ENY2: variants seen among roughly 807,000 people sequenced by gnomAD.
The protein encoded by ENY2 is transcription and mRNA export factor ENY2.
In ENY2, 4 loss-of-function variants were observed where a neutral mutation model predicts 15.9. The observed-to-expected ratio is 0.25, with a 90% confidence interval of 0.12 to 0.57. The LOEUF (loss-of-function observed/expected upper bound fraction) is 0.57. Ranked by LOEUF, ENY2 falls within the 20% of genes least tolerant of loss-of-function variation. The pLI, the probability that ENY2 is intolerant of heterozygous loss-of-function variation, is 0.91. For synonymous variants in ENY2, 48 were observed against 38.0 expected (o/e 1.26, Z -0.97); for missense variants, 54 against 117.2 (o/e 0.46, Z 2.49).
In ENY2 at chr8:109,343,526, A is replaced by T. The variant is rs764054109; in HGVS notation, c.*45A>T. 2 of 1,538,716 alleles carry T rather than the reference A, an allele frequency of 1.3e-6. No homozygotes were observed. Among genetic ancestry groups the T allele is most frequent in the Admixed American group, 3.9e-5 (2 of 50,890 alleles). Reference sequence around the variant, plus strand: ...GTTGTGGTTTTATTTCTGAAAGTAAAACTTGCCATAAATTAGAAAACAATT... The same window carrying T: ...GTTGTGGTTTTATTTCTGAAAGTAATACTTGCCATAAATTAGAAAACAATT... On this transcript the variant is annotated 3_prime_UTR_variant, in exon 5 of 5. Coordinates refer to ENST00000521688, the MANE Select transcript of ENY2 (RefSeq NM_020189.6).
intron 4 of ENY2, 112 bp from the exon 5 acceptor site, chr8:109,343,293 G>A (rs1349351060): frequency 2.7e-6 from 2 of 732,002 alleles, no homozygotes; most frequent in African/African-American, 1.8e-5. Context: ...TTGAACATGA[G>A]GGTTATTTAT....
intron 3 of ENY2, among the ~76,000 whole-genome samples, chr8:109,340,131 G>C (rs886674929): frequency 6.6e-6 from 1 of 152,186 alleles, no homozygotes. Flanking sequence ...TTAGATCATC[G>C]TGAATATTAA....
rs1245114275 is a variant in ENY2, at chr8:109,343,573, TG to T, written c.*93del. The T allele has an allele frequency of 6.9e-6, 8 of 1,161,616 alleles. No homozygotes were observed. The highest frequency in any genetic ancestry group is 8.7e-6 in the Non-Finnish European group (7 of 801,962). 72.0% of individuals were successfully genotyped at this position (1,161,616 alleles called of 1,614,324 possible). On this transcript the variant is annotated 3_prime_UTR_variant, in exon 5 of 5. Coordinates refer to ENST00000521688, the MANE Select transcript of ENY2 (RefSeq NM_020189.6). Reference sequence around the variant, plus strand: ...AATTTCCCAAAATAAAATCCTTTTTTGTATGATGGTATACAGTTTTCAGTAA... The same window carrying T: ...AATTTCCCAAAATAAAATCCTTTTTTTATGATGGTATACAGTTTTCAGTAA...
At chr8:109,340,681 T>C in intron 4 of ENY2, 118 bp downstream of exon 4, 2 of 1,331,772 alleles carry the variant, frequency 1.5e-6, no homozygotes, top group Non-Finnish European at 2.0e-6. Context: ...TGTTGCCTCT[T>C]GTAAAGAGTT....
chr8:109,340,728 T>G, intron 4 of ENY2, 165 bp downstream of exon 4: 1 of 725,720 alleles, frequency 1.4e-6, no homozygotes, highest in African/African-American at 1.8e-5. Context: ...AGTCTGGGAG[T>G]AACAAATGAG....
chr8:109,341,555 CATT>C (rs1816113327), intron 4 of ENY2, among the ~76,000 whole-genome samples: 1 of 151,998 alleles, frequency 6.6e-6, no homozygotes, highest in Non-Finnish European at 1.5e-5. Context: ...ATTCTGTTAA[CATT>C]ATTTAGGAAC....
At chr8:109,340,682 G>A in intron 4 of ENY2, 119 bp downstream of exon 4, 1 of 1,329,054 alleles carries the variant, frequency 7.5e-7, no homozygotes, top group Non-Finnish European at 1.0e-6. Context: ...GTTGCCTCTT[G>A]TAAAGAGTTA....
Position 109,334,406 on chromosome 8 carries a change from G to C in ENY2, c.-63G>C. 2 of 1,612,614 alleles carry C rather than the reference G, an allele frequency of 1.2e-6. No individual in the cohort carries two copies. The highest frequency in any genetic ancestry group is 1.7e-6 in the Non-Finnish European group (2 of 1,179,252). On this transcript the variant is annotated 5_prime_UTR_variant, in exon 1 of 5. Coordinates refer to ENST00000521688, the MANE Select transcript of ENY2 (RefSeq NM_020189.6). ...GTCCGGGCAGCCGAAGAGTGTGGTAGGTAACGGTCCTCAGCGCAAGGGTCA... is the reference window on the plus strand; with the variant it reads ...GTCCGGGCAGCCGAAGAGTGTGGTACGTAACGGTCCTCAGCGCAAGGGTCA...
intron 4 of ENY2, among the ~76,000 whole-genome samples, chr8:109,342,158 C>CT (rs200073823): frequency 3.2e-5 from 4 of 123,530 alleles, no homozygotes; most frequent in South Asian, 2.3e-4. Context: ...TTTAGTTAAC[C>CT]CCCCCCTTTT....
rs921668818 is a variant in ENY2, at chr8:109,342,163, C to A, written c.230-1242C>A. Among the ~76,000 whole-genome samples, 5 of 149,028 alleles carry A rather than the reference C, an allele frequency of 3.4e-5. No homozygotes were observed. In the East Asian group the frequency reaches 7.8e-4, roughly 23 times the overall value. On this transcript the variant is annotated intron_variant, in intron 4 of 4. Transcript: ENST00000521688. ...CGTTAGAAGTTTTAGTTAACCCCCC[C>A]CTTTTTTTTTTTTTGCATTTATGGT... is the stretch of plus-strand genomic sequence containing the variant.
At chr8:109,341,190 A>G (rs1170585253) in intron 4 of ENY2, among the ~76,000 whole-genome samples, 1 of 152,168 alleles carries the variant, frequency 6.6e-6, no homozygotes, top group Non-Finnish European at 1.5e-5. Flanking sequence ...ATATAACTAC[A>G]TTATTTTCAT....
At chr8:109,334,916 C>A in intron 1 of ENY2, 9 of 156,628 alleles carry the variant, frequency 5.7e-5, no homozygotes, top group East Asian at 1.9e-4. Flanking sequence ...AGTTCTCACT[C>A]AACTTCTCCT....
chr8:109,339,867 C>T, intron 3 of ENY2: 1 of 154,382 alleles, frequency 6.5e-6, no homozygotes, highest in African/African-American at 2.4e-5. Context: ...AGGGGAGCCT[C>T]CTTTCTGTCT....
At position 109,336,182 on chromosome 8, in the gene ENY2, A is replaced by G; in HGVS notation, c.61A>G (p.Ile21Val). 1.9e-6 allele frequency: 3 copies of G among 1,613,408 alleles called. No homozygotes were observed. The highest frequency in any genetic ancestry group is 2.5e-6 in the Non-Finnish European group (3 of 1,179,452). Residue 21 changes from isoleucine to valine, a missense_variant, in exon 2 of 5, where the codon ATA becomes GTA. By Grantham distance (29) the Ile-to-Val change is conservative (BLOSUM62 3). Coordinates refer to ENST00000521688, the MANE Select transcript of ENY2 (RefSeq NM_020189.6). Reference sequence around the variant, plus strand: ...GAGAGCAGCGATTAACCAAAAGTTGATAGAAACTGGAGAAAGAGAACGGTA... The same window carrying G: ...GAGAGCAGCGATTAACCAAAAGTTGGTAGAAACTGGAGAAAGAGAACGGTA... ...QMRAAINQKL[I>V]ETGERERLKE...
intron 2 of ENY2, among the ~76,000 whole-genome samples, chr8:109,336,899 C>T (rs78331090): frequency 6.6e-6 from 1 of 151,876 alleles, no homozygotes; most frequent in Non-Finnish European, 1.5e-5. Context: ...CTCCCAGAGG[C>T]AGGGTTATAA....
intron 2 of ENY2, chr8:109,339,035 T>C: frequency 2.3e-6 from 1 of 442,638 alleles, no homozygotes; most frequent in Non-Finnish European, 4.1e-6. Context: ...CGGTGGAGAG[T>C]ATATAACGTG....
rs1428842357 is a variant in ENY2, at chr8:109,345,468, T to C, written c.*1987T>C. 1 of 152,196 alleles carries C rather than the reference T, an allele frequency of 6.6e-6. No individual in the cohort carries two copies. Among genetic ancestry groups the C allele is most frequent in the Non-Finnish European group, 1.5e-5 (1 of 68,030 alleles). 9.4% of individuals were successfully genotyped at this position (152,196 alleles called of 1,614,324 possible). On this transcript the variant is annotated 3_prime_UTR_variant, in exon 5 of 5. Transcript: ENST00000521688. The stretch of plus-strand genomic sequence containing the variant: ...TCTTTGAACCAGCTGGGCTTAATTA[T>C]GTAAAGTTTTGAGCCTGAGATAAGC...
chr8:109,340,668 C>A, intron 4 of ENY2, 105 bp downstream of exon 4: 1 of 1,427,100 alleles, frequency 7.0e-7, no homozygotes. Context: ...AAAGCACTAC[C>A]TGTGTTGCCT....
At chr8:109,339,119 C>T in intron 2 of ENY2, 1 of 578,210 alleles carries the variant, frequency 1.7e-6, no homozygotes, top group East Asian at 2.8e-5. Context: ...AAATGAGACC[C>T]AGATGAAATG....
Sources: gnomAD v4.1 joint callset for allele counts (sites outside exome capture counted in the v4.1 genomes callset) on GRCh38, gnomAD v4.1.1 for gene constraint, MANE v1.5 for transcripts, NCBI Gene and HGNC (gene_info 2026-07-23, HGNC 2026-07-21) for gene names.